CNTN3: variants seen among roughly 807,000 people sequenced by gnomAD.
CNTN3 encodes contactin 3, also known as contactin-3.
In CNTN3, 60 loss-of-function variants were observed where a neutral mutation model predicts 119.1. The ratio of observed to expected loss-of-function variants is 0.50; its 90% CI spans 0.41 to 0.62. The LOEUF (loss-of-function observed/expected upper bound fraction) is 0.62, where lower values mean the gene tolerates loss of function less well. CNTN3 is among the 20% of genes least tolerant of loss of function. The pLI, the probability that CNTN3 is intolerant of heterozygous loss-of-function variation, is 0.00. For missense variants in CNTN3, 1,101 were observed against 1,242.4 expected, an observed-to-expected ratio of 0.89 and a Z score of 1.71; for synonymous variants, 450 against 438.7, an observed-to-expected ratio of 1.03 and a Z score of -0.32.
At chr3:74,576,720 C>A (rs1008820764) in intron 1 of CNTN3, among the ~76,000 whole-genome samples, 5 of 152,056 alleles carry the variant, frequency 3.3e-5, no homozygotes, top group South Asian at 4.1e-4. Flanking sequence ...AGAAAAAAAT[C>A]TCCTGACCTG....
chr3:74,271,869 T>G (rs1408947755), intron 20 of CNTN3, among the ~76,000 whole-genome samples: 2 of 152,212 alleles, frequency 1.3e-5, no homozygotes, highest in Non-Finnish European at 2.9e-5. Context: ...ATGGATCTAA[T>G]TTCTTATCAA....
chr3:74,331,525 A>C (rs1295097520), intron 13 of CNTN3, among the ~76,000 whole-genome samples: 1 of 152,170 alleles, frequency 6.6e-6, no homozygotes, highest in African/African-American at 2.4e-5. Context: ...AGATCCGAAA[A>C]TAAGACCAAA....
intron 1 of CNTN3, among the ~76,000 whole-genome samples, chr3:74,577,784 T>C (rs1311395862): frequency 6.6e-6 from 1 of 152,114 alleles, no homozygotes; most frequent in East Asian, 1.9e-4. Context: ...GAACTAATGA[T>C]AGATGTTACT....
chr3:74,523,755 G>T (rs897526342), intron 1 of CNTN3, among the ~76,000 whole-genome samples: 1 of 151,760 alleles, frequency 6.6e-6, no homozygotes, highest in African/African-American at 2.4e-5. Context: ...TCTGCCCTAT[G>T]TCATTTGGAA....
chr3:74,352,792 C>T (rs1400501468), intron 11 of CNTN3, among the ~76,000 whole-genome samples: 2 of 152,050 alleles, frequency 1.3e-5, no homozygotes, highest in African/African-American at 4.8e-5. Context: ...CTTCAAGGTT[C>T]AACAGTTAGA....
intron 4 of CNTN3, among the ~76,000 whole-genome samples, chr3:74,470,023 T>C (rs540430053): frequency 6.6e-6 from 1 of 152,250 alleles, no homozygotes; most frequent in Non-Finnish European, 1.5e-5. Flanking sequence ...TATTCGGCAA[T>C]AAACAGGAAC....
chr3:74,368,803 G>GTT (rs886111936), intron 8 of CNTN3, among the ~76,000 whole-genome samples: 1 of 145,398 alleles, frequency 6.9e-6, no homozygotes. Flanking sequence ...CCAAAAGGCA[G>GTT]TTTTTTTTTT....
At chr3:74,395,024 C>A (rs1279853956) in intron 5 of CNTN3, among the ~76,000 whole-genome samples, 5 of 151,944 alleles carry the variant, frequency 3.3e-5, no homozygotes. Flanking sequence ...ATAAATTAAT[C>A]TAATGATTTT....
At chr3:74,603,661 T>G (rs2106707734) in intron 1 of CNTN3, among the ~76,000 whole-genome samples, 1 of 152,168 alleles carries the variant, frequency 6.6e-6, no homozygotes, top group East Asian at 1.9e-4. Context: ...GAGTTTGAAA[T>G]GGAAGAAGAT....
chr3:74,599,825 C>T (rs1704879102), intron 1 of CNTN3, among the ~76,000 whole-genome samples: 1 of 151,970 alleles, frequency 6.6e-6, no homozygotes, highest in African/African-American at 2.4e-5. Flanking sequence ...TAATGACTCC[C>T]AATGATTTCT....
chr3:74,392,413 CT>C (rs1413657169), intron 5 of CNTN3, among the ~76,000 whole-genome samples: 2 of 149,530 alleles, frequency 1.3e-5, no homozygotes, highest in African/African-American at 4.9e-5. Context: ...CCTGCTTCTT[CT>C]TTTTCTTTCT....
rs1439246263 is a variant in CNTN3 at position 74,263,789 on chromosome 3, T to TAATTGAGAG, written c.*603_*611dup. 6.6e-6 allele frequency: 1 copy of TAATTGAGAG among 152,090 alleles called. No individual in the cohort carries two copies. The highest frequency in any genetic ancestry group is 1.5e-5 in the Non-Finnish European group (1 of 67,992). 9.4% of individuals were successfully genotyped at this position (152,090 alleles called of 1,614,324 possible). A position where few individuals can be genotyped will look rare whatever the true frequency, so the allele number is the denominator to read the frequency against. On this transcript the variant is annotated 3_prime_UTR_variant, in exon 23 of 23. Transcript: ENST00000263665. ...ATTATCTCCATATTTTATAGAGGAA[T>TAATTGAGAG]AATTGAGAGGTACAGATGGCAAAGT...
intron 1 of CNTN3, among the ~76,000 whole-genome samples, chr3:74,567,396 G>C (rs150466678): frequency 7.1e-6 from 1 of 141,698 alleles, no homozygotes; most frequent in African/African-American, 2.7e-5. Context: ...CTGGGCGCAA[G>C]TGATCCTCCC....
intron 19 of CNTN3, among the ~76,000 whole-genome samples, chr3:74,294,034 C>A (rs1271540192): frequency 6.6e-6 from 1 of 152,120 alleles, no homozygotes; most frequent in East Asian, 1.9e-4. Flanking sequence ...TACATTTGAT[C>A]AAGAGACCAC....
chr3:74,459,943 T>C (rs556080115), intron 4 of CNTN3, among the ~76,000 whole-genome samples: 4 of 152,194 alleles, frequency 2.6e-5, no homozygotes, highest in African/African-American at 9.6e-5. Context: ...TTTACCTTTA[T>C]TGCACACAGT....
At chr3:74,396,894 C>T (rs1241867740) in intron 5 of CNTN3, among the ~76,000 whole-genome samples, 1 of 152,132 alleles carries the variant, frequency 6.6e-6, no homozygotes, top group Non-Finnish European at 1.5e-5. Flanking sequence ...GATGTAGAAG[C>T]TGCAGCACAT....
At chr3:74,501,341 T>A (rs1392297517) in intron 2 of CNTN3, among the ~76,000 whole-genome samples, 2 of 151,992 alleles carry the variant, frequency 1.3e-5, no homozygotes, top group Admixed American at 1.3e-4. Flanking sequence ...ACACGGAGGC[T>A]CAACGAGTTC....
At chr3:74,267,933 A>G (rs1701696838) in intron 20 of CNTN3, among the ~76,000 whole-genome samples, 1 of 152,178 alleles carries the variant, frequency 6.6e-6, no homozygotes, top group Admixed American at 6.6e-5. Flanking sequence ...CTTGTATGAT[A>G]AGATGGGCAA....
chr3:74,400,753 C>T (rs1357000029), intron 5 of CNTN3, among the ~76,000 whole-genome samples: 1 of 152,124 alleles, frequency 6.6e-6, no homozygotes, highest in East Asian at 1.9e-4. Flanking sequence ...GGGCATTCAG[C>T]TTTATAAAGC....
Sources: gnomAD v4.1 joint callset for allele counts (sites outside exome capture counted in the v4.1 genomes callset) on GRCh38, gnomAD v4.1.1 for gene constraint, MANE v1.5 for transcripts, NCBI Gene and HGNC (gene_info 2026-07-23, HGNC 2026-07-21) for gene names.